Variants in XYLT1 observed in about 807,000 individuals in gnomAD.
XYLT1 encodes xylosyltransferase 1, also known as beta-D-xylosyltransferase 1.
In XYLT1, 36 loss-of-function variants were observed where a neutral mutation model predicts 91.3. The observed-to-expected ratio is 0.39, with a 90% CI of 0.30 to 0.52. XYLT1 has a LOEUF of 0.52. Among genes scored for constraint, XYLT1 ranks in the 20% least tolerant of loss-of-function variants. The pLI, the probability that XYLT1 is intolerant of heterozygous loss-of-function variation, is 0.68. For synonymous variants in XYLT1, 588 were observed against 532.0 expected (o/e 1.11, Z -1.45); for missense variants, 1,242 against 1,284.5 (o/e 0.97, Z 0.51).
intron 2 of XYLT1, chr16:17,355,025 A>C (rs1271559848): frequency 6.6e-6 from 1 of 152,478 alleles, no homozygotes; most frequent in Non-Finnish European, 1.5e-5. Flanking sequence ...GAACCAAATG[A>C]GACTGATGGA....
chr16:17,425,651 C>T (rs2036308268), intron 1 of XYLT1, among the ~76,000 whole-genome samples: 1 of 152,192 alleles, frequency 6.6e-6, no homozygotes, highest in Non-Finnish European at 1.5e-5. Context: ...CTCCAACTTC[C>T]TGCTGCTGTT....
chr16:17,160,927 AC>A (rs1310520205), intron 5 of XYLT1, among the ~76,000 whole-genome samples: 11 of 152,042 alleles, frequency 7.2e-5, no homozygotes, highest in Non-Finnish European at 1.0e-4. Flanking sequence ...TTATTTACCA[AC>A]CCCCTCACCA....
At chr16:17,222,001 T>G (rs886546384) in intron 3 of XYLT1, among the ~76,000 whole-genome samples, 3 of 152,128 alleles carry the variant, frequency 2.0e-5, no homozygotes, top group African/African-American at 7.2e-5. Context: ...ATCCCACTCC[T>G]TAGCACCCTT....
intron 5 of XYLT1, among the ~76,000 whole-genome samples, chr16:17,164,107 G>A (rs1395470093): frequency 2.8e-5 from 4 of 145,364 alleles, no homozygotes; most frequent in Non-Finnish European, 6.0e-5. Flanking sequence ...TGTGAAGTCA[G>A]GCAAGTTGAG....
intron 8 of XYLT1, among the ~76,000 whole-genome samples, chr16:17,138,022 A>C (rs1333784081): frequency 7.3e-6 from 1 of 136,334 alleles, no homozygotes; most frequent in Non-Finnish European, 1.5e-5. Context: ...GATTCTGATG[A>C]AAAGGGAATA....
At chr16:17,449,368 T>C (rs535804855) in intron 1 of XYLT1, among the ~76,000 whole-genome samples, 13 of 152,320 alleles carry the variant, frequency 8.5e-5, no homozygotes, top group East Asian at 1.9e-4. Context: ...TAGGAGAAGA[T>C]TGGGTGTCTG....
chr16:17,121,456 G>A (rs1052699790), intron 10 of XYLT1, among the ~76,000 whole-genome samples: 1 of 152,202 alleles, frequency 6.6e-6, no homozygotes, highest in African/African-American at 2.4e-5. Context: ...ATCCACTGCA[G>A]AATGGTCAAT....
At chr16:17,372,016 G>A (rs1275162339) in intron 1 of XYLT1, among the ~76,000 whole-genome samples, 1 of 152,190 alleles carries the variant, frequency 6.6e-6, no homozygotes, top group East Asian at 1.9e-4. Flanking sequence ...TCTGTTCTAA[G>A]TTGCCCCATT....
Position 17,180,857 on chromosome 16 carries a change from C to T in XYLT1, c.1289+17355G>A, listed in dbSNP as rs935372298. Among the ~76,000 whole-genome samples, 31 of 152,136 alleles carry T rather than the reference C, an allele frequency of 2.0e-4. 1 individual carries two copies. The highest frequency in any genetic ancestry group is 7.2e-4 in the African/African-American group (30 of 41,430). On this transcript the variant is annotated intron_variant, in intron 5 of 11. Transcript: ENST00000261381. Reference sequence around the variant, plus strand: ...AGTCTCATGAACCATGAAGACTTTGCTCTCTGCGTTGGCTTCTGTTCCATG... The same window carrying T: ...AGTCTCATGAACCATGAAGACTTTGTTCTCTGCGTTGGCTTCTGTTCCATG...
intron 9 of XYLT1, among the ~76,000 whole-genome samples, chr16:17,129,074 A>G (rs1409106412): frequency 1.4e-4 from 5 of 36,394 alleles, no homozygotes; most frequent in African/African-American, 1.0e-3. Flanking sequence ...GGAGCATAGA[A>G]AAAAAAAAAA....
At chr16:17,253,095 A>G (rs905101449) in intron 3 of XYLT1, among the ~76,000 whole-genome samples, 1 of 152,240 alleles carries the variant, frequency 6.6e-6, no homozygotes, top group Admixed American at 6.5e-5. Flanking sequence ...GAAAGGGAAC[A>G]CAATCCCCGT....
At chr16:17,249,097 G>A (rs190100426) in intron 3 of XYLT1, among the ~76,000 whole-genome samples, 42 of 152,196 alleles carry the variant, frequency 2.8e-4, no homozygotes, top group African/African-American at 5.5e-4. Context: ...CCCTGAGGAC[G>A]GGGATTCTAT....
rs529805144 is a variant in XYLT1, at chr16:17,214,500, C to T, written c.914-13846G>A. Among the ~76,000 whole-genome samples the T allele has an allele frequency of 7.2e-5, 11 of 152,284 alleles. No homozygotes were observed. The East Asian group carries it at 1.9e-3, about 27-fold the overall frequency. On this transcript the variant is annotated intron_variant, in intron 3 of 11. Transcript: ENST00000261381. The stretch of plus-strand genomic sequence containing the variant: ...TCCCCTGTCTCCTATGTGCTCTTTC[C>T]AAACTCCTGATCCATAGAATCCAAG...
chr16:17,402,470 T>C (rs2035982377), intron 1 of XYLT1, among the ~76,000 whole-genome samples: 1 of 152,204 alleles, frequency 6.6e-6, no homozygotes, highest in Non-Finnish European at 1.5e-5. Context: ...TTATGGATAA[T>C]GTTTTTTAAA....
At chr16:17,431,226 G>A (rs186848167) in intron 1 of XYLT1, among the ~76,000 whole-genome samples, 5 of 152,320 alleles carry the variant, frequency 3.3e-5, no homozygotes, top group Admixed American at 3.3e-4. Context: ...CTGACTGGAT[G>A]TGTCCTTCAA....
chr16:17,284,773 C>A (rs2034109347), intron 2 of XYLT1, among the ~76,000 whole-genome samples: 1 of 152,202 alleles, frequency 6.6e-6, no homozygotes, highest in Admixed American at 6.5e-5. Context: ...CGGAGTGAGA[C>A]TCTGTCTCTA....
intron 8 of XYLT1, among the ~76,000 whole-genome samples, chr16:17,135,479 C>T (rs188309842): frequency 7.5e-4 from 114 of 151,384 alleles, no homozygotes; most frequent in African/African-American, 2.2e-3. Flanking sequence ...CCGAGACTGC[C>T]GCTGCACTCC....
chr16:17,249,112 T>C (rs1452489140), intron 3 of XYLT1, among the ~76,000 whole-genome samples: 1 of 152,198 alleles, frequency 6.6e-6, no homozygotes, highest in Admixed American at 6.5e-5. Context: ...TTCTATCTGC[T>C]TTCCTCCCAA....
intron 5 of XYLT1, among the ~76,000 whole-genome samples, chr16:17,165,204 T>C (rs1457855731): frequency 6.6e-6 from 1 of 152,264 alleles, no homozygotes; most frequent in Non-Finnish European, 1.5e-5. Context: ...TATTTGCATC[T>C]ATTAACCCAC....
Sources: gnomAD v4.1 joint callset for allele counts (sites outside exome capture counted in the v4.1 genomes callset) on GRCh38, gnomAD v4.1.1 for gene constraint, MANE v1.5 for transcripts, NCBI Gene and HGNC (gene_info 2026-07-23, HGNC 2026-07-21) for gene names.